The following MGA variants were observed in gnomAD, a reference collection of about 807,000 sequenced individuals.
MGA encodes the protein MAX dimerization protein MGA, also known as MAX gene-associated protein.
MGA carries 40 observed loss-of-function variants against 261.1 expected under a neutral mutation model. The ratio of observed to expected loss-of-function variants is 0.15; its 90% CI spans 0.12 to 0.20. MGA has a LOEUF of 0.20. MGA is among the 10% of genes least tolerant of loss of function. The pLI is 1.00. For missense variants in MGA, 3,397 were observed against 3,630.5 expected (o/e 0.94, Z 1.65); for synonymous variants, 1,302 against 1,290.6 (o/e 1.01, Z -0.19).
At chr15:41,723,157 C>T (rs2061039693) in intron 9 of MGA, among the ~76,000 whole-genome samples, 1 of 152,102 alleles carries the variant, frequency 6.6e-6, no homozygotes, top group Non-Finnish European at 1.5e-5. Context: ...CCACCTTTTC[C>T]TGCTGAGTGT....
intron 5 of MGA, among the ~76,000 whole-genome samples, chr15:41,706,694 C>A (rs1038245811): frequency 6.6e-6 from 1 of 150,896 alleles, no homozygotes; most frequent in African/African-American, 2.4e-5. Context: ...GATTCTCCTG[C>A]CTCAGCCTCC....
intron 1 of MGA, among the ~76,000 whole-genome samples, chr15:41,650,619 G>A (rs1260673566): frequency 6.6e-6 from 1 of 152,002 alleles, no homozygotes; most frequent in Non-Finnish European, 1.5e-5. Flanking sequence ...TGTATTTTTA[G>A]TAGAGATAGG....
chr15:41,622,619 C>G (rs2056332697), intron 1 of MGA, among the ~76,000 whole-genome samples: 1 of 152,172 alleles, frequency 6.6e-6, no homozygotes, highest in Non-Finnish European at 1.5e-5. Context: ...CTACTATTGT[C>G]ATAACTGCGG....
chr15:41,764,099 C>T (rs1221935067), intron 22 of MGA, among the ~76,000 whole-genome samples: 2 of 151,518 alleles, frequency 1.3e-5, no homozygotes, highest in South Asian at 2.1e-4. Context: ...GCGGAGGCTG[C>T]AGTGAGCTGA....
intron 11 of MGA, among the ~76,000 whole-genome samples, chr15:41,730,476 C>G (rs866960399): frequency 1.3e-5 from 2 of 151,940 alleles, no homozygotes; most frequent in Non-Finnish European, 2.9e-5. Context: ...CAGTGGTTAT[C>G]AAGAAAGTTA....
intron 13 of MGA, among the ~76,000 whole-genome samples, chr15:41,738,376 C>CA (rs1197097640): frequency 6.6e-5 from 10 of 152,202 alleles, no homozygotes; most frequent in Admixed American, 6.5e-4. Context: ...GCCTGGGCGA[C>CA]AGAGTGAGAC....
chr15:41,691,689 G>A (rs1197218417), intron 2 of MGA: 4 of 481,766 alleles, frequency 8.3e-6, no homozygotes, highest in South Asian at 3.1e-5. Context: ...CTTTTGGTAG[G>A]TATAGAACAT....
intron 1 of MGA, among the ~76,000 whole-genome samples, chr15:41,650,893 G>A (rs917960689): frequency 6.6e-6 from 1 of 152,098 alleles, no homozygotes; most frequent in African/African-American, 2.4e-5. Context: ...AGTAACCTAG[G>A]TTATTTTCAT....
At chr15:41,754,352 G>T in intron 17 of MGA, 85 bp from the exon 18 acceptor site, 1 of 1,346,318 alleles carries the variant, frequency 7.4e-7, no homozygotes, top group Non-Finnish European at 9.9e-7. Context: ...GCATTAGTTG[G>T]TTTTATAAGG....
chr15:41,761,911 C>G (rs2063480168), intron 21 of MGA, 61 bp downstream of exon 21: 1 of 1,263,010 alleles, frequency 7.9e-7, no homozygotes, highest in African/African-American at 1.5e-5. Context: ...AGAAGAAATC[C>G]TCAGTAGATC....
In MGA at chr15:41,748,751, C is replaced by G. The variant is rs750947240; in HGVS notation, c.5327C>G (p.Pro1776Arg). ...CAGCAGGGTTCTCCTACTCTTAGAC[C>G]TGTCTCAAACACACAACTTCAGGGA... The change falls in exon 16 of 24, where the codon CCT becomes CGT. Residue 1776 changes from proline (P) to arginine (R), a missense_variant. By Grantham distance (103) the Pro-to-Arg change is moderately radical. This residue lies in a region of MGA where 1,410 missense variants were observed against 1,386.4 expected (regional missense o/e 1.02). Transcript: ENST00000219905. The G allele has an allele frequency of 4.3e-6, 7 of 1,613,952 alleles. No homozygotes were observed. The highest frequency in any genetic ancestry group is 5.9e-6 in the Non-Finnish European group (7 of 1,179,896).
At chr15:41,765,106 C>G in intron 23 of MGA, 44 bp downstream of exon 23, 5 of 1,591,174 alleles carry the variant, frequency 3.1e-6, no homozygotes, top group Middle Eastern at 3.3e-4. Flanking sequence ...ATAAAGTTAT[C>G]CCTAACATCT....
At chr15:41,743,260 G>A in intron 15 of MGA, 88 bp downstream of exon 15, 1 of 1,387,304 alleles carries the variant, frequency 7.2e-7, no homozygotes, top group Non-Finnish European at 9.6e-7. Flanking sequence ...AGATATATCA[G>A]GATAACAGTA....
chr15:41,634,819 T>C (rs1464314526), intron 1 of MGA, among the ~76,000 whole-genome samples: 12 of 152,168 alleles, frequency 7.9e-5, no homozygotes, highest in African/African-American at 2.4e-5. Context: ...GGGAGGGTTA[T>C]GGTCCCACCA....
chr15:41,760,724 T>C (rs754471491), intron 20 of MGA, among the ~76,000 whole-genome samples, 195 bp downstream of exon 20: 19 of 134,334 alleles, frequency 1.4e-4, no homozygotes, highest in Non-Finnish European at 1.9e-4. Context: ...TAGGTTTTCA[T>C]TGAAAGTCAG....
chr15:41,754,647 C>T (rs1487070418), intron 18 of MGA, 80 bp downstream of exon 18: 1 of 1,390,818 alleles, frequency 7.2e-7, no homozygotes, highest in Non-Finnish European at 9.5e-7. Flanking sequence ...TTCAGGAGCT[C>T]TGGGTAACTC....
chr15:41,630,735 C>A (rs1021988504), intron 1 of MGA, among the ~76,000 whole-genome samples: 1 of 152,166 alleles, frequency 6.6e-6, no homozygotes, highest in Non-Finnish European at 1.5e-5. Flanking sequence ...CCCACTTTTC[C>A]ACCCAGCTTC....
chr15:41,676,753 G>A (rs1283209184), intron 2 of MGA, among the ~76,000 whole-genome samples: 1 of 152,066 alleles, frequency 6.6e-6, no homozygotes, highest in Non-Finnish European at 1.5e-5. Flanking sequence ...TTAATTCTTA[G>A]GAATGGAATT....
chr15:41,709,216 G>A (rs564289580), intron 7 of MGA, among the ~76,000 whole-genome samples: 3 of 151,944 alleles, frequency 2.0e-5, no homozygotes, highest in South Asian at 2.1e-4. Flanking sequence ...ATGTGGTGGC[G>A]CATTCCTGTA....
Sources: gnomAD v4.1 joint callset for allele counts (sites outside exome capture counted in the v4.1 genomes callset) on GRCh38, gnomAD v4.1.1 for gene constraint, gnomAD v4.1.1 regional missense constraint, MANE v1.5 for transcripts, NCBI Gene and HGNC (gene_info 2026-07-23, HGNC 2026-07-21) for gene names.